Variants in SPAG9 observed in about 807,000 individuals in gnomAD.
The protein encoded by SPAG9 is C-Jun-amino-terminal kinase-interacting protein 4.
In SPAG9, 35 loss-of-function variants were observed where a neutral mutation model predicts 166.5. That is an observed-to-expected ratio of 0.21 (90% CI 0.16 to 0.28). The LOEUF is 0.28. Ranked by LOEUF, SPAG9 falls within the 10% of genes least tolerant of loss-of-function variation. The pLI is 1.00. For missense variants in SPAG9, 1,235 were observed against 1,603.3 expected (o/e 0.77, Z 3.92); for synonymous variants, 534 against 565.5 (o/e 0.94, Z 0.79).
At chr17:51,012,721 AC>A (rs2045539169) in intron 9 of SPAG9, among the ~76,000 whole-genome samples, 1 of 141,996 alleles carries the variant, frequency 7.0e-6, no homozygotes, top group Admixed American at 7.2e-5. Flanking sequence ...CTTACTAGAT[AC>A]TTTATTTATT....
chr17:51,002,314 G>A (rs1443865825), intron 12 of SPAG9, among the ~76,000 whole-genome samples: 1 of 152,034 alleles, frequency 6.6e-6, no homozygotes, highest in Admixed American at 6.6e-5. Context: ...ACTGTGCCCA[G>A]CCAACAAAGA....
chr17:51,011,170 A>G (rs559579897), intron 9 of SPAG9, among the ~76,000 whole-genome samples: 103 of 152,156 alleles, frequency 6.8e-4, no homozygotes, highest in Middle Eastern at 6.8e-3. Flanking sequence ...GTAAAATCAG[A>G]AAAAGGTTGC....
At chr17:51,116,735 G>A (rs113045837) in intron 1 of SPAG9, among the ~76,000 whole-genome samples, 2 of 152,136 alleles carry the variant, frequency 1.3e-5, no homozygotes, top group Non-Finnish European at 2.9e-5. Context: ...CTACACCCCA[G>A]CCTAGGCGAT....
chr17:51,095,705 T>C (rs1447819456), intron 1 of SPAG9, among the ~76,000 whole-genome samples: 1 of 147,954 alleles, frequency 6.8e-6, no homozygotes, highest in African/African-American at 2.5e-5. Context: ...TATAGTGATA[T>C]ATATAGTGAT....
chr17:51,109,882 T>C (rs1012929168), intron 1 of SPAG9, among the ~76,000 whole-genome samples: 2 of 152,004 alleles, frequency 1.3e-5, no homozygotes, highest in African/African-American at 4.8e-5. Flanking sequence ...ACGCTAATTT[T>C]TATATTTTTT....
At chr17:50,976,320 C>A (rs1974205136) in intron 27 of SPAG9, among the ~76,000 whole-genome samples, 1 of 151,940 alleles carries the variant, frequency 6.6e-6, no homozygotes, top group Non-Finnish European at 1.5e-5. Context: ...TCTAGGGGAT[C>A]CTGGAATCTC....
chr17:51,039,671 C>T (rs922539437), intron 5 of SPAG9, among the ~76,000 whole-genome samples: 3 of 152,180 alleles, frequency 2.0e-5, no homozygotes, highest in Non-Finnish European at 2.9e-5. Flanking sequence ...ATTTGTTAAT[C>T]GGTTTATAAG....
intron 1 of SPAG9, among the ~76,000 whole-genome samples, chr17:51,104,201 T>C (rs1449810335): frequency 6.6e-6 from 1 of 152,018 alleles, no homozygotes; most frequent in African/African-American, 2.4e-5. Flanking sequence ...CAATAAACAA[T>C]CATAAGATGA....
At chr17:51,000,840 C>T (rs1227123095) in intron 13 of SPAG9, among the ~76,000 whole-genome samples, 3 of 152,074 alleles carry the variant, frequency 2.0e-5, no homozygotes, top group Non-Finnish European at 1.5e-5. Context: ...TATTCGATAT[C>T]CACTAAATAC....
chr17:51,076,855 C>A (rs952182295), intron 2 of SPAG9, among the ~76,000 whole-genome samples: 1 of 152,010 alleles, frequency 6.6e-6, no homozygotes, highest in Non-Finnish European at 1.5e-5. Flanking sequence ...GTGTTTGGTT[C>A]TAAAAGATTA....
At chr17:51,094,759 A>C (rs2144704521) in intron 1 of SPAG9, among the ~76,000 whole-genome samples, 1 of 152,340 alleles carries the variant, frequency 6.6e-6, no homozygotes, top group East Asian at 1.9e-4. Flanking sequence ...TGGATAATAT[A>C]TCTCTTAAGT....
intron 1 of SPAG9, among the ~76,000 whole-genome samples, chr17:51,087,026 C>T (rs1251675356): frequency 6.6e-6 from 1 of 152,184 alleles, no homozygotes; most frequent in Non-Finnish European, 1.5e-5. Context: ...ATAGCTTACA[C>T]AGGGCACTGA....
chr17:51,039,620 G>A (rs2046752998), intron 5 of SPAG9, among the ~76,000 whole-genome samples: 1 of 152,064 alleles, frequency 6.6e-6, no homozygotes, highest in Non-Finnish European at 1.5e-5. Context: ...CCTCCTCTAG[G>A]GAGGACACGA....
intron 1 of SPAG9, chr17:51,085,333 C>T (rs529274176): frequency 6.6e-6 from 1 of 152,332 alleles, no homozygotes; most frequent in South Asian, 2.1e-4. Flanking sequence ...TTCACATCTG[C>T]TTTGTTGCTT....
chr17:51,095,873 TGTGATATATATAGTGATATATACA>T (rs2048606011), intron 1 of SPAG9, among the ~76,000 whole-genome samples: 2 of 144,738 alleles, frequency 1.4e-5, no homozygotes, highest in Non-Finnish European at 3.0e-5. Context: ...TATATAGTGA[TGTGATATATATAGTGATATATACA>T]GTGATATATA....
At chr17:51,057,510 G>A (rs2047394040) in intron 2 of SPAG9, among the ~76,000 whole-genome samples, 1 of 152,180 alleles carries the variant, frequency 6.6e-6, no homozygotes, top group African/African-American at 2.4e-5. Context: ...TATTCTGACA[G>A]CAGATAAATG....
intron 9 of SPAG9, 113 bp from the exon 10 acceptor site, chr17:51,007,439 ATTAATT>A (rs2144031833): frequency 2.1e-6 from 1 of 474,500 alleles, no homozygotes; most frequent in Non-Finnish European, 3.6e-6. Flanking sequence ...TCTGTCCTTT[ATTAATT>A]TTATTTTGTC....
intron 1 of SPAG9, among the ~76,000 whole-genome samples, chr17:51,109,125 G>T (rs1316327941): frequency 6.6e-6 from 1 of 152,022 alleles, no homozygotes; most frequent in Admixed American, 6.6e-5. Flanking sequence ...GACTCCCCAA[G>T]TGCTAAGATT....
At chr17:51,088,267 C>G (rs2048353364) in intron 1 of SPAG9, among the ~76,000 whole-genome samples, 1 of 152,136 alleles carries the variant, frequency 6.6e-6, no homozygotes, top group African/African-American at 2.4e-5. Flanking sequence ...TCTCCAAATG[C>G]TAGGCAGTTA....
Sources: gnomAD v4.1 joint callset for allele counts (sites outside exome capture counted in the v4.1 genomes callset) on GRCh38, gnomAD v4.1.1 for gene constraint, MANE v1.5 for transcripts, NCBI Gene and HGNC (gene_info 2026-07-23, HGNC 2026-07-21) for gene names.